GTF2A2: variants seen among roughly 807,000 people sequenced by gnomAD.
The protein encoded by GTF2A2 is transcription initiation factor IIA subunit 2.
GTF2A2 carries 9 observed loss-of-function variants against 14.3 expected under a neutral mutation model. The ratio of observed to expected loss-of-function variants is 0.63; its 90% CI spans 0.38 to 1.10. GTF2A2 has a LOEUF of 1.10. Ranked by LOEUF, GTF2A2 falls within the 50% of genes least tolerant of loss-of-function variation. The pLI is 0.01. For missense variants in GTF2A2, 90 were observed against 124.6 expected, an observed-to-expected ratio of 0.72 and a Z score of 1.32; for synonymous variants, 56 against 46.0, an observed-to-expected ratio of 1.22 and a Z score of -0.88.
At chr15:59,651,381 T>G (rs1202325964) in intron 2 of GTF2A2, 2 of 152,416 alleles carry the variant, frequency 1.3e-5, no homozygotes, top group Non-Finnish European at 2.9e-5. Context: ...TTCTCCATGT[T>G]GGTCAGGCTG....
At chr15:59,640,596 A>C (rs1004160143) in intron 4 of GTF2A2, among the ~76,000 whole-genome samples, 1 of 152,256 alleles carries the variant, frequency 6.6e-6, no homozygotes, top group Admixed American at 6.5e-5. Flanking sequence ...CTATTGGAAA[A>C]TGCAACAGAA....
intron 3 of GTF2A2, among the ~76,000 whole-genome samples, chr15:59,649,731 G>C (rs1891733680): frequency 6.6e-6 from 1 of 152,084 alleles, no homozygotes; most frequent in African/African-American, 2.4e-5. Flanking sequence ...TAAAATTTAA[G>C]TCAAATGGGG....
intron 3 of GTF2A2, among the ~76,000 whole-genome samples, chr15:59,649,934 T>C (rs1397931751): frequency 6.6e-6 from 1 of 152,186 alleles, no homozygotes; most frequent in African/African-American, 2.4e-5. Context: ...TTAACCTTCT[T>C]TTGACTATAT....
intron 3 of GTF2A2, among the ~76,000 whole-genome samples, chr15:59,646,033 T>TA (rs34672716): frequency 0.86 from 118,345 of 138,080 alleles, 51,594 homozygotes; most frequent in Non-Finnish European, 0.94. Context: ...GGCTCCGCCT[T>TA]AAAAAAAAAA....
At chr15:59,643,473 TC>T (rs769441299) in intron 3 of GTF2A2, among the ~76,000 whole-genome samples, 4 of 151,912 alleles carry the variant, frequency 2.6e-5, no homozygotes, top group East Asian at 3.9e-4. Flanking sequence ...CGCCTCAGCC[TC>T]CCAAAGTGCT....
intron 3 of GTF2A2, among the ~76,000 whole-genome samples, chr15:59,645,289 A>G (rs573978244): frequency 6.6e-6 from 1 of 152,338 alleles, no homozygotes; most frequent in South Asian, 2.1e-4. Context: ...TATGATATTC[A>G]GTTTAACCAA....
intron 2 of GTF2A2, chr15:59,651,519 G>A (rs1891792262): frequency 6.6e-6 from 1 of 152,078 alleles, no homozygotes. Flanking sequence ...TTATACAGAA[G>A]GGTTAATTCT....
intron 3 of GTF2A2, among the ~76,000 whole-genome samples, chr15:59,647,018 A>C (rs1891629332): frequency 6.6e-6 from 1 of 150,750 alleles, no homozygotes; most frequent in Non-Finnish European, 1.5e-5. Flanking sequence ...CATATACTCT[A>C]TAATTATATA....
chr15:59,644,927 G>A (rs543427255), intron 3 of GTF2A2, among the ~76,000 whole-genome samples: 1 of 152,192 alleles, frequency 6.6e-6, no homozygotes, highest in Non-Finnish European at 1.5e-5. Context: ...GACATAATGG[G>A]TTAGACAGGA....
intron 3 of GTF2A2, among the ~76,000 whole-genome samples, chr15:59,642,532 G>T (rs571451416): frequency 6.6e-6 from 1 of 152,206 alleles, no homozygotes; most frequent in East Asian, 1.9e-4. Context: ...ATAAAAACTT[G>T]CGTTTGTATT....
chr15:59,650,797 A>C, intron 2 of GTF2A2, 24 bp from the exon 3 acceptor site: 1 of 1,227,972 alleles, frequency 8.1e-7, no homozygotes, highest in South Asian at 1.2e-5. Context: ...AAGGTCATAA[A>C]TCCCGTTAAG....
At chr15:59,656,973 A>C (rs1251744130) in intron 1 of GTF2A2, 2 of 152,256 alleles carry the variant, frequency 1.3e-5, no homozygotes, top group African/African-American at 2.4e-5. Context: ...CAAGTTTAAA[A>C]TTCGTTCCTT....
intron 1 of GTF2A2, 72 bp from the exon 2 acceptor site, chr15:59,652,398 T>C: frequency 1.7e-6 from 1 of 598,896 alleles, no homozygotes. Flanking sequence ...TAATATCATC[T>C]ACCTCAAATA....
At position 59,646,976 on chromosome 15, in the gene GTF2A2, C is replaced by T. The variant is rs1041195641; in HGVS notation, c.177+3693G>A. Among the ~76,000 whole-genome samples, 10 of 150,276 alleles carry T rather than the reference C, an allele frequency of 6.7e-5. No homozygotes were observed. The South Asian group carries it at 1.5e-3, about 22-fold the overall frequency. ...TAGTATCTTAAGTATAGTATAAAAA[C>T]GATGTTTATATATATGTATATACTA... On this transcript the variant is annotated intron_variant, in intron 3 of 4. Transcript: ENST00000396060.
At chr15:59,653,886 G>A (rs745338773) in intron 1 of GTF2A2, among the ~76,000 whole-genome samples, 5 of 152,150 alleles carry the variant, frequency 3.3e-5, no homozygotes, top group Admixed American at 6.5e-5. Flanking sequence ...TCAAAAACCT[G>A]AGTCAAGAGT....
chr15:59,640,633 A>C lies in GTF2A2; in HGVS notation c.305-1476T>G, dbSNP rs377602552. On this transcript the variant is annotated intron_variant, in intron 4 of 4. Coordinates refer to ENST00000396060, the MANE Select transcript of GTF2A2 (RefSeq NM_004492.3). ...ATGTCCGTGCTAAAAAAAAGTTCTA[A>C]GCAGTACTGGTGTATGTCATTAATT... Among the ~76,000 whole-genome samples, 6 of 152,244 alleles carry C rather than the reference A, an allele frequency of 3.9e-5. No homozygotes were observed. The South Asian group carries it at 1.2e-3, about 31-fold the overall frequency.
At chr15:59,649,454 G>GC (rs1566932258) in intron 3 of GTF2A2, among the ~76,000 whole-genome samples, 1 of 152,104 alleles carries the variant, frequency 6.6e-6, no homozygotes, top group African/African-American at 2.4e-5. Flanking sequence ...GAACTATCTT[G>GC]CCTCTGATAA....
intron 4 of GTF2A2, among the ~76,000 whole-genome samples, chr15:59,639,464 A>AT (rs10643204): frequency 0.38 from 54,365 of 142,410 alleles, 11,213 homozygotes; most frequent in East Asian, 0.83. Context: ...ACTGTCCCAA[A>AT]TTTTTTTTTT....
At chr15:59,650,643 T>A in intron 3 of GTF2A2, 26 bp downstream of exon 3, 1 of 1,280,064 alleles carries the variant, frequency 7.8e-7, no homozygotes, top group Admixed American at 1.7e-5. Flanking sequence ...TGGTACAGGC[T>A]TCTAGATTCA....
Sources: gnomAD v4.1 joint callset for allele counts (sites outside exome capture counted in the v4.1 genomes callset) on GRCh38, gnomAD v4.1.1 for gene constraint, MANE v1.5 for transcripts, NCBI Gene and HGNC (gene_info 2026-07-23, HGNC 2026-07-21) for gene names.